The following DCAF5 variants were observed in gnomAD, a reference collection of about 807,000 sequenced individuals.
DCAF5 encodes DDB1 and CUL4 associated factor 5, also known as DDB1- and CUL4-associated factor 5.
DCAF5 carries 9 observed loss-of-function variants against 80.7 expected under a neutral mutation model. That is an observed-to-expected ratio of 0.11 (90% CI 0.07 to 0.19). The LOEUF (loss-of-function observed/expected upper bound fraction) is 0.19, where lower values mean the gene tolerates loss of function less well. Ranked by LOEUF, DCAF5 falls within the 10% of genes least tolerant of loss-of-function variation. The pLI is 1.00. For missense variants in DCAF5, 842 were observed against 1,205.7 expected (o/e 0.70, Z 4.47); for synonymous variants, 433 against 461.9 (o/e 0.94, Z 0.80).
chr14:69,066,625 G>A (rs114164966), intron 7 of DCAF5, among the ~76,000 whole-genome samples: 2,421 of 152,198 alleles, frequency 0.016, 46 homozygotes, highest in East Asian at 0.065. Context: ...ACTTACTACC[G>A]TAGGGGACCC....
In DCAF5 at chr14:69,051,982, A is replaced by G. The variant is rs2037777437; in HGVS notation, c.*1875T>C. The stretch of plus-strand genomic sequence containing the variant: ...CTGTGAATAGTCAAAGACAAATCAT[A>G]GAACCAATCTGATTACAAATCCAAA... On this transcript the variant is annotated 3_prime_UTR_variant, in exon 9 of 9. Transcript: ENST00000341516. 1 of 152,654 alleles carries G rather than the reference A, an allele frequency of 6.6e-6. No homozygotes were observed. The highest frequency in any genetic ancestry group is 6.5e-5 in the Admixed American group (1 of 15,282). 9.5% of individuals were successfully genotyped at this position (152,654 alleles called of 1,614,324 possible).
At chr14:69,130,957 G>A (rs2140092341) in intron 1 of DCAF5, among the ~76,000 whole-genome samples, 1 of 152,302 alleles carries the variant, frequency 6.6e-6, no homozygotes, top group Middle Eastern at 3.4e-3. Context: ...CTATTTCCCA[G>A]GTTTGTTGTG....
chr14:69,066,591 A>G (rs1394864110), intron 7 of DCAF5, among the ~76,000 whole-genome samples: 2 of 152,354 alleles, frequency 1.3e-5, no homozygotes, highest in Non-Finnish European at 2.9e-5. Context: ...AAGGTATCTC[A>G]CAGAATTTCA....
At position 69,118,939 on chromosome 14, in the gene DCAF5, T is replaced by C. The variant is rs547485517; in HGVS notation, c.395+255A>G. Among the ~76,000 whole-genome samples, 660 of 152,162 alleles carry C rather than the reference T, an allele frequency of 4.3e-3. 8 individuals are homozygous for C. Among genetic ancestry groups the C allele is most frequent in the African/African-American group, 0.015 (634 of 41,398 alleles). On this transcript the variant is annotated intron_variant, in intron 3 of 8. Transcript: ENST00000341516. This position sits in a 1 kb window ranked among gnomAD's most constrained non-coding sequence, Gnocchi z 4.0. The stretch of plus-strand genomic sequence containing the variant: ...TCTTAAATATTATGGTTCCTTCTCT[T>C]CTAAACTCTTGTTTTAAATTTTCAC...
intron 1 of DCAF5, among the ~76,000 whole-genome samples, chr14:69,127,424 T>C (rs1017826593): frequency 6.6e-6 from 1 of 152,168 alleles, no homozygotes; most frequent in Non-Finnish European, 1.5e-5. Context: ...AACTCTATGA[T>C]ACTCTGGAAA....
chr14:69,055,008 T>C lies in DCAF5; in HGVS notation c.1678A>G (p.Ser560Gly), dbSNP rs1431499483. ...PRSPSPEDES[S>G]SSSSSSSSED... ...GAGCTGCTAGAGCTGCTGGAACTGC[T>C]GGATTCATCTTCGGGGCTGGGTGAC... is the stretch of plus-strand genomic sequence containing the variant. The change falls in exon 9 of 9, where the codon AGC (serine) becomes GGC (glycine). Residue 560 changes from serine to glycine, a missense_variant. Coordinates refer to ENST00000341516, the MANE Select transcript of DCAF5 (RefSeq NM_003861.3). The surrounding 1 kb of genome is among the most constrained non-coding windows in gnomAD (Gnocchi z 5.6). 3 of 1,614,230 alleles carry C rather than the reference T, an allele frequency of 1.9e-6. No homozygotes were observed. In the South Asian group the frequency reaches 3.3e-5, roughly 18 times the overall value.
intron 8 of DCAF5, among the ~76,000 whole-genome samples, chr14:69,058,853 G>A (rs2038090185): frequency 6.7e-6 from 1 of 149,846 alleles, no homozygotes; most frequent in South Asian, 2.1e-4. Flanking sequence ...CAGCCTGCTG[G>A]GTGACACAGT....
chr14:69,132,550 T>C (rs1468502063), intron 1 of DCAF5, among the ~76,000 whole-genome samples: 2 of 152,220 alleles, frequency 1.3e-5, no homozygotes, highest in African/African-American at 2.4e-5. Context: ...TTATCCCCTA[T>C]TGTTTTGCAT....
In DCAF5 at chr14:69,055,234, C is replaced by T. The variant is rs2037917509; in HGVS notation, c.1452G>A (p.Gly484=). Residue 484 remains glycine, a synonymous_variant, in exon 9 of 9, where the codon GGG becomes GGA. Transcript: ENST00000341516. The surrounding 1 kb of genome is among the most constrained non-coding windows in gnomAD (Gnocchi z 5.6). ...TGTTTGTGGTGGTGACCCGCAGGGGCCCCAGGTGGAAGGCGTTGTCGGCAG... is the reference window on the plus strand; with the variant it reads ...TGTTTGTGGTGGTGACCCGCAGGGGTCCCAGGTGGAAGGCGTTGTCGGCAG... ...DESADNAFHL[G]PLRVTTTNTV... 1 of 1,614,116 alleles carries T rather than the reference C, an allele frequency of 6.2e-7. No individual in the cohort carries two copies. The highest frequency in any genetic ancestry group is 1.7e-5 in the Admixed American group (1 of 60,032).
chr14:69,086,294 G>T (rs1736467102), intron 6 of DCAF5, among the ~76,000 whole-genome samples: 1 of 152,148 alleles, frequency 6.6e-6, no homozygotes. Context: ...CGAGGCAGAG[G>T]TTGCAGTGAG....
intron 5 of DCAF5, among the ~76,000 whole-genome samples, chr14:69,110,792 T>A (rs1404632874): frequency 6.9e-6 from 1 of 145,868 alleles, no homozygotes; most frequent in Non-Finnish European, 1.5e-5. Flanking sequence ...GTGGGAGGAC[T>A]GCTTGAGCCT....
In DCAF5 at chr14:69,086,517, G is replaced by A. The variant is rs555511651; in HGVS notation, c.879+5157C>T. On this transcript the variant is annotated intron_variant, in intron 6 of 8. Coordinates refer to ENST00000341516, the MANE Select transcript of DCAF5 (RefSeq NM_003861.3). ...AACAAATCAAAGGCTGGAAACCAAC[G>A]GTTGAATTTCCCCCATTAAAAGTAT... Among the ~76,000 whole-genome samples the A allele has an allele frequency of 5.8e-4, 88 of 151,802 alleles. No individual in the cohort carries two copies. The South Asian group carries it at 0.017, about 29-fold the overall frequency.
At chr14:69,132,465 A>G (rs2041070571) in intron 1 of DCAF5, among the ~76,000 whole-genome samples, 1 of 152,126 alleles carries the variant, frequency 6.6e-6, no homozygotes, top group Non-Finnish European at 1.5e-5. Context: ...CTTCATGAGT[A>G]CCTACCCTGA....
chr14:69,144,534 G>A (rs1028318369), intron 1 of DCAF5, among the ~76,000 whole-genome samples: 3 of 151,190 alleles, frequency 2.0e-5, no homozygotes, highest in Non-Finnish European at 4.4e-5. Context: ...ATCGCACCAC[G>A]CCACTGCACT....
chr14:69,062,523 G>A lies in DCAF5; in HGVS notation c.947-12C>T. The A allele has an allele frequency of 1.9e-6, 3 of 1,609,450 alleles. No individual in the cohort carries two copies. Among genetic ancestry groups the A allele is most frequent in the Non-Finnish European group, 2.5e-6 (3 of 1,177,246 alleles). On this transcript the variant is annotated splice_polypyrimidine_tract_variant and intron_variant, in intron 7 of 8. Transcript: ENST00000341516. ...CCTACCAATGCCACCTGGGAAAACA[G>A]AAGGAAACAAAAATCAGATGATGAA...
At chr14:69,058,889 AAAAG>A (rs1270490598) in intron 8 of DCAF5, among the ~76,000 whole-genome samples, 2 of 151,836 alleles carry the variant, frequency 1.3e-5, no homozygotes, top group East Asian at 3.9e-4. Flanking sequence ...AAAAAAAAAA[AAAAG>A]GAAAGAAAAG....
chr14:69,088,454 C>G (rs2039421419), intron 6 of DCAF5, among the ~76,000 whole-genome samples: 1 of 152,138 alleles, frequency 6.6e-6, no homozygotes, highest in African/African-American at 2.4e-5. Flanking sequence ...CACTTTATTC[C>G]CCAAGTCTAA....
chr14:69,076,033 T>C (rs1169230886), intron 6 of DCAF5, among the ~76,000 whole-genome samples: 1 of 151,866 alleles, frequency 6.6e-6, no homozygotes, highest in Non-Finnish European at 1.5e-5. Context: ...TAGGAAAAGA[T>C]GCTCAACATC....
chr14:69,107,047 AT>A (rs1350396743), intron 5 of DCAF5, among the ~76,000 whole-genome samples: 1 of 125,510 alleles, frequency 8.0e-6, no homozygotes, highest in Non-Finnish European at 1.7e-5. Context: ...GTCTCAAAAA[AT>A]AAATAAATAA....
Sources: gnomAD v4.1 joint callset for allele counts (sites outside exome capture counted in the v4.1 genomes callset) on GRCh38, gnomAD v4.1.1 for gene constraint, Gnocchi (gnomAD v3.1) non-coding constraint, MANE v1.5 for transcripts, NCBI Gene and HGNC (gene_info 2026-07-23, HGNC 2026-07-21) for gene names.